The following ZC3HAV1L variants were observed in gnomAD, a reference collection of about 807,000 sequenced individuals.
The protein encoded by ZC3HAV1L is ZC3HAV1 like.
ZC3HAV1L carries 23 observed loss-of-function variants against 28.2 expected under a neutral mutation model. That is an observed-to-expected ratio of 0.82 (90% CI 0.59 to 1.16). The LOEUF (loss-of-function observed/expected upper bound fraction) is 1.16, where lower values mean the gene tolerates loss of function less well. Among genes scored for constraint, ZC3HAV1L ranks in the 50% most tolerant of loss-of-function variants. The probability of loss-of-function intolerance (pLI) is 0.00; values close to 1 mark genes in which losing one functional copy is unlikely to be tolerated. For synonymous variants in ZC3HAV1L, 180 were observed against 163.4 expected (o/e 1.10, Z -0.78); for missense variants, 376 against 387.7 (o/e 0.97, Z 0.25).
chr7:139,030,691 G>C (rs933395572), intron 2 of ZC3HAV1L, among the ~76,000 whole-genome samples: 1 of 150,854 alleles, frequency 6.6e-6, no homozygotes, highest in African/African-American at 2.4e-5. Flanking sequence ...GCCAGTCATG[G>C]TGGCACCTGT....
chr7:139,023,443 C>T (rs1178101359), downstream of ZC3HAV1L, among the ~76,000 whole-genome samples: 2 of 152,176 alleles, frequency 1.3e-5, no homozygotes, highest in Non-Finnish European at 2.9e-5. Context: ...TTAGATGGGA[C>T]AGTTTGCCAC....
chr7:139,035,608 C>T, intron 1 of ZC3HAV1L, 45 bp downstream of exon 1: 1 of 1,354,674 alleles, frequency 7.4e-7, no homozygotes, highest in African/African-American at 1.5e-5. Flanking sequence ...GACGGCCAGG[C>T]CCGCGGCCAG....
chr7:139,028,934 T>C lies in ZC3HAV1L; in HGVS notation c.528A>G (p.Glu176=), dbSNP rs1815440890. 1 of 1,613,994 alleles carries C rather than the reference T, an allele frequency of 6.2e-7. No individual in the cohort carries two copies. Among genetic ancestry groups the C allele is most frequent in the African/African-American group, 1.3e-5 (1 of 74,926 alleles). Residue 176 remains glutamate, a synonymous_variant, in exon 3 of 5, where the codon GAA becomes GAG. Transcript: ENST00000275766. The stretch of plus-strand genomic sequence containing the variant: ...TGAGGTTGCAGTAGCCATACAGGGC[T>C]TCCCCTTTGTTGTAGAGCAAACAGA... The part of the protein sequence containing the change: ...PEVCLLYNKG[E]ALYGYCNLKD...
In ZC3HAV1L at chr7:139,026,244, T is replaced by A. The variant is rs1056334824; in HGVS notation, c.*300A>T. On this transcript the variant is annotated 3_prime_UTR_variant, in exon 5 of 5. Transcript: ENST00000275766. ...ATGTGAACAAATATAGAAAGATGCT[T>A]ATGAGACAATATTAAGTGAAAAAAA... 4.0e-5 allele frequency: 16 copies of A among 402,310 alleles called. No homozygotes were observed. Among genetic ancestry groups the A allele is most frequent in the Non-Finnish European group, 1.3e-5 (3 of 227,340 alleles). The allele number at this position is 402,310 out of a possible 1,614,324, so 24.9% of individuals were successfully genotyped here.
At chr7:139,035,039 G>C in intron 1 of ZC3HAV1L, 1 of 985,422 alleles carries the variant, frequency 1.0e-6, no homozygotes, top group Non-Finnish European at 1.2e-6. Context: ...CCGCTTTGGC[G>C]GGGTGTGTGG....
Position 139,035,823 on chromosome 7 carries a change from G to C in ZC3HAV1L, c.195C>G (p.Ala65=), listed in dbSNP as rs1584824570. The C allele has an allele frequency of 1.3e-6, 2 of 1,484,014 alleles. No homozygotes were observed. The highest frequency in any genetic ancestry group is 1.8e-6 in the Non-Finnish European group (2 of 1,126,254). The allele number at this position is 1,484,014 out of a possible 1,614,324, so 91.9% of individuals were successfully genotyped here. The part of the protein sequence containing the change: ...ETQEGLGDAE[A]EAAAGAVGGG... ...CGCCCACCGCGCCGGCCGCCGCCTC[G>C]GCCTCCGCGTCCCCGAGGCCCTCCT... is the stretch of plus-strand genomic sequence containing the variant. Residue 65 remains alanine, a synonymous_variant, in exon 1 of 5, where the codon GCC becomes GCG. Coordinates refer to ENST00000275766, the MANE Select transcript of ZC3HAV1L (RefSeq NM_080660.4).
chr7:139,035,563 G>A (rs1002678155), intron 1 of ZC3HAV1L, 90 bp downstream of exon 1: 2 of 1,337,050 alleles, frequency 1.5e-6, no homozygotes, highest in East Asian at 3.1e-5. Context: ...GGGGCAGGAC[G>A]AAGCCCCCCT....
chr7:139,023,407 G>A (rs573148478), downstream of ZC3HAV1L, among the ~76,000 whole-genome samples: 4 of 152,234 alleles, frequency 2.6e-5, no homozygotes, highest in South Asian at 4.1e-4. Context: ...ACATTCCCAC[G>A]TGGATACAAG....
Position 139,026,157 on chromosome 7 carries a change from C to G in ZC3HAV1L, c.*387G>C, listed in dbSNP as rs10265929. On this transcript the variant is annotated 3_prime_UTR_variant, in exon 5 of 5. Coordinates refer to ENST00000275766, the MANE Select transcript of ZC3HAV1L (RefSeq NM_080660.4). The stretch of plus-strand genomic sequence containing the variant: ...CAAAAAAAAAAACTGTTAGAAAAAG[C>G]CAAGTAGTTAAACAAACTATGATAA... The G allele has an allele frequency of 0.05, 9,058 of 181,212 alleles. 393 individuals carry two copies. The highest frequency in any genetic ancestry group is 0.13 in the South Asian group (817 of 6,492). 11.2% of individuals were successfully genotyped at this position (181,212 alleles called of 1,614,324 possible).
In ZC3HAV1L at chr7:139,035,853, C is replaced by T. The variant is rs1037900580; in HGVS notation, c.165G>A (p.Glu55=). ...GPERFLLQEV[E]TQEGLGDAEA... ...CCGCGTCCCCGAGGCCCTCCTGCGT[C>T]TCCACCTCCTGCAGCAGGAAACGCT... Residue 55 remains glutamate, a synonymous_variant, in exon 1 of 5, where the codon GAG becomes GAA. Coordinates refer to ENST00000275766, the MANE Select transcript of ZC3HAV1L (RefSeq NM_080660.4). 1 of 1,506,016 alleles carries T rather than the reference C, an allele frequency of 6.6e-7. No individual in the cohort carries two copies. The highest frequency in any genetic ancestry group is 8.8e-7 in the Non-Finnish European group (1 of 1,135,226). The allele number at this position is 1,506,016 out of a possible 1,614,324, so 93.3% of individuals were successfully genotyped here.
chr7:139,035,508 G>GA, intron 1 of ZC3HAV1L, 145 bp downstream of exon 1: 1 of 1,307,354 alleles, frequency 7.6e-7, no homozygotes, highest in Non-Finnish European at 9.7e-7. Flanking sequence ...GGACGCCCAG[G>GA]AAAGGCCTGC....
Position 139,035,818 on chromosome 7 carries a change from G to A in ZC3HAV1L, c.200C>T (p.Ala67Val), listed in dbSNP as rs865896552. 2.0e-6 allele frequency: 3 copies of A among 1,484,006 alleles called. No individual in the cohort carries two copies. The East Asian group carries it at 8.4e-5, about 42-fold the overall frequency. The allele number at this position is 1,484,006 out of a possible 1,614,324, so 91.9% of individuals were successfully genotyped here. ...QEGLGDAEAE[A>V]AAGAVGGGGT... ...GCCACCGCCCACCGCGCCGGCCGCCGCCTCGGCCTCCGCGTCCCCGAGGCC... is the reference window on the plus strand; with the variant it reads ...GCCACCGCCCACCGCGCCGGCCGCCACCTCGGCCTCCGCGTCCCCGAGGCC... The change falls in exon 1 of 5, where the codon GCG (alanine) becomes GTG (valine). Residue 67 changes from alanine (A) to valine (V), a missense_variant. Ala to Val is a moderately conservative substitution (Grantham distance 64). Transcript: ENST00000275766.
At chr7:139,024,264 T>C (rs1815302230), downstream of ZC3HAV1L, among the ~76,000 whole-genome samples, 1 of 152,068 alleles carries the variant, frequency 6.6e-6, no homozygotes, top group African/African-American at 2.4e-5. Context: ...AAAACTAAGA[T>C]TAAAGTAGAC....
At chr7:139,035,507 G>T in intron 1 of ZC3HAV1L, 146 bp downstream of exon 1, 3 of 1,307,462 alleles carry the variant, frequency 2.3e-6, no homozygotes, top group Non-Finnish European at 2.9e-6. Context: ...AGGACGCCCA[G>T]GAAAGGCCTG....
Position 139,034,541 on chromosome 7 carries a change from A to T in ZC3HAV1L, c.501+2T>A. 6.2e-7 allele frequency: 1 copy of T among 1,614,078 alleles called. No homozygotes were observed. The highest frequency in any genetic ancestry group is 8.5e-7 in the Non-Finnish European group (1 of 1,179,938). ...CATGAGGGTGACTCCTTGGTGACTCACCTCTGGTAAAAGACAGGGGTCATT... is the reference window on the plus strand; with the variant it reads ...CATGAGGGTGACTCCTTGGTGACTCTCCTCTGGTAAAAGACAGGGGTCATT... On this transcript the variant is annotated splice_donor_variant, in intron 2 of 4. Coordinates refer to ENST00000275766, the MANE Select transcript of ZC3HAV1L (RefSeq NM_080660.4). LOFTEE classifies it high-confidence loss of function.
downstream of ZC3HAV1L, among the ~76,000 whole-genome samples, chr7:139,024,018 T>C (rs1315794600): frequency 1.3e-5 from 2 of 152,110 alleles, no homozygotes; most frequent in Admixed American, 6.5e-5. Context: ...AGTGGTGACA[T>C]TCAAAAATAA....
intron 1 of ZC3HAV1L, 23 bp from the exon 2 acceptor site, chr7:139,034,701 C>CA: frequency 6.2e-7 from 1 of 1,612,770 alleles, no homozygotes. Context: ...AGCCCTCGGT[C>CA]AGATGCCCAG....
chr7:139,028,535 C>T (rs1815424871), intron 3 of ZC3HAV1L, among the ~76,000 whole-genome samples, 167 bp downstream of exon 3: 1 of 152,158 alleles, frequency 6.6e-6, no homozygotes, highest in African/African-American at 2.4e-5. Flanking sequence ...CCGTTCTATA[C>T]AATACAATGT....
rs953760331 is a variant in ZC3HAV1L at position 139,026,439 on chromosome 7, C to T, written c.*105G>A. Reference sequence around the variant, plus strand: ...TTGCCCTGGACTAGCCCCATCTGCACTCAATTTTAGCCTCTCTTTGCCTGT... The same window carrying T: ...TTGCCCTGGACTAGCCCCATCTGCATTCAATTTTAGCCTCTCTTTGCCTGT... On this transcript the variant is annotated 3_prime_UTR_variant, in exon 5 of 5. Transcript: ENST00000275766. 15 of 1,540,102 alleles carry T rather than the reference C, an allele frequency of 9.7e-6. No homozygotes were observed. The African/African-American group carries it at 1.9e-4, about 20-fold the overall frequency.
Sources: gnomAD v4.1 joint callset for allele counts (sites outside exome capture counted in the v4.1 genomes callset) on GRCh38, gnomAD v4.1.1 for gene constraint, MANE v1.5 for transcripts, NCBI Gene and HGNC (gene_info 2026-07-23, HGNC 2026-07-21) for gene names.